The following PARL variants were observed in gnomAD, a reference collection of about 807,000 sequenced individuals.
PARL encodes the protein presenilin-associated rhomboid-like protein, mitochondrial.
A neutral mutation model predicts 51.6 loss-of-function variants in PARL; 44 were observed. That is an observed-to-expected ratio of 0.85 (90% CI 0.67 to 1.10). The LOEUF (loss-of-function observed/expected upper bound fraction) is 1.10, where lower values mean the gene tolerates loss of function less well. Among genes scored for constraint, PARL ranks in the 50% least tolerant of loss-of-function variants. The pLI, the probability that PARL is intolerant of heterozygous loss-of-function variation, is 0.00. For synonymous variants in PARL, 172 were observed against 164.0 expected (o/e 1.05, Z -0.37); for missense variants, 441 against 469.5 (o/e 0.94, Z 0.56).
At position 183,875,639 on chromosome 3, in the gene PARL, G is replaced by A. The variant is rs1384620629; in HGVS notation, c.126-7579C>T. Among the ~76,000 whole-genome samples the A allele has an allele frequency of 3.3e-5, 5 of 152,160 alleles. No homozygotes were observed. The South Asian group carries it at 6.2e-4, about 19-fold the overall frequency. ...GCAGAGGTTGGTTCATGAGGTTTAA[G>A]GAAACAAGCTGTCTCTATAACACAC... On this transcript the variant is annotated intron_variant, in intron 1 of 9. Coordinates refer to ENST00000317096, the MANE Select transcript of PARL (RefSeq NM_018622.7).
chr3:183,833,411 TG>T, intron 9 of PARL, 80 bp downstream of exon 9: 3 of 853,598 alleles, frequency 3.5e-6, no homozygotes, highest in Admixed American at 3.5e-5. Context: ...GCCATGGGGA[TG>T]GGGGGTAGGG....
intron 1 of PARL, among the ~76,000 whole-genome samples, chr3:183,875,197 C>G (rs2108702362): frequency 6.6e-6 from 1 of 152,192 alleles, no homozygotes; most frequent in African/African-American, 2.4e-5. Context: ...AGAGGATCAA[C>G]TGAGGTCAGG....
intron 6 of PARL, among the ~76,000 whole-genome samples, chr3:183,841,389 A>G (rs2108608452): frequency 6.6e-6 from 1 of 152,336 alleles, no homozygotes; most frequent in East Asian, 1.9e-4. Context: ...GATGAACACT[A>G]ATTAAGCATC....
intron 1 of PARL, among the ~76,000 whole-genome samples, chr3:183,873,219 T>C (rs1201419649): frequency 6.6e-6 from 1 of 152,150 alleles, no homozygotes; most frequent in Non-Finnish European, 1.5e-5. Context: ...AGATGACAAG[T>C]TGACAGCCGG....
intron 3 of PARL, among the ~76,000 whole-genome samples, chr3:183,865,568 C>T (rs117868627): frequency 0.011 from 1,714 of 152,204 alleles, 102 homozygotes; most frequent in Admixed American, 0.095. Context: ...GTGAGATGCA[C>T]ATGTGAGGGA....
chr3:183,877,056 T>A (rs1254895511), intron 1 of PARL, among the ~76,000 whole-genome samples: 1 of 151,972 alleles, frequency 6.6e-6, no homozygotes, highest in Non-Finnish European at 1.5e-5. Flanking sequence ...TATTAAAAAT[T>A]CAAAAAAATT....
rs1159852277 is a variant in PARL, at chr3:183,882,231, ATATATATATATATT to A, written c.125+2477_125+2490del. On this transcript the variant is annotated intron_variant, in intron 1 of 9. Coordinates refer to ENST00000317096, the MANE Select transcript of PARL (RefSeq NM_018622.7). Reference sequence around the variant, plus strand: ...AAAAAAAAAAAAAAAAAATATATATATATATATATATATTTATATATATATATATATATATATTT... The same window carrying A: ...AAAAAAAAAAAAAAAAAATATATATATATATATATATATATATATATATTT... Among the ~76,000 whole-genome samples the A allele has an allele frequency of 1.8e-3, 41 of 23,408 alleles. 2 individuals are homozygous for A. The highest frequency in any genetic ancestry group is 4.8e-3 in the African/African-American group (30 of 6,240). 15.4% of individuals were successfully genotyped at this position (23,408 alleles called of 152,430 possible).
chr3:183,835,632 C>A (rs1385942609), intron 7 of PARL, among the ~76,000 whole-genome samples: 1 of 152,034 alleles, frequency 6.6e-6, no homozygotes, highest in Non-Finnish European at 1.5e-5. Context: ...TCTGAGGGGC[C>A]GAGGCAGGTG....
chr3:183,883,761 G>A (rs1056029201), intron 1 of PARL: 3 of 908,806 alleles, frequency 3.3e-6, no homozygotes, highest in Non-Finnish European at 3.9e-6. Context: ...ATGCTTGTCG[G>A]ACATATAGGT....
chr3:183,850,782 T>C (rs1204383744), intron 4 of PARL, among the ~76,000 whole-genome samples: 18 of 152,230 alleles, frequency 1.2e-4, no homozygotes, highest in Admixed American at 8.5e-4. Context: ...AAAAGGATTA[T>C]AAATCATGAC....
intron 4 of PARL, among the ~76,000 whole-genome samples, chr3:183,851,759 A>G (rs921222419): frequency 1.3e-5 from 2 of 152,228 alleles, no homozygotes; most frequent in African/African-American, 2.4e-5. Flanking sequence ...CCAGAGAAGA[A>G]ACACAAATAC....
intron 1 of PARL, among the ~76,000 whole-genome samples, chr3:183,882,645 G>A (rs1374305953): frequency 1.3e-5 from 2 of 152,004 alleles, no homozygotes; most frequent in Non-Finnish European, 2.9e-5. Flanking sequence ...TTCCCCTTTT[G>A]TGTAAAAGGC....
At chr3:183,882,222 A>AAATATATATATAT (rs1401913573) in intron 1 of PARL, among the ~76,000 whole-genome samples, 1 of 46,112 alleles carries the variant, frequency 2.2e-5, no homozygotes, top group East Asian at 1.3e-3. Context: ...AAAAAAAAAA[A>AAATATATATATAT]ATATATATAT....
downstream of PARL, among the ~76,000 whole-genome samples, chr3:183,827,858 T>C (rs1351507622): frequency 6.6e-6 from 1 of 152,190 alleles, no homozygotes; most frequent in East Asian, 1.9e-4. Flanking sequence ...CACAGATAAC[T>C]GAGGCTTCAG....
intron 4 of PARL, among the ~76,000 whole-genome samples, chr3:183,860,637 G>C (rs1731705523): frequency 6.6e-6 from 1 of 152,166 alleles, no homozygotes; most frequent in Admixed American, 6.5e-5. Context: ...CTTCTTTGAA[G>C]AAAGTATTCA....
At chr3:183,838,441 T>C (rs1728910293) in intron 7 of PARL, among the ~76,000 whole-genome samples, 1 of 152,238 alleles carries the variant, frequency 6.6e-6, no homozygotes, top group South Asian at 2.1e-4. Context: ...AAAAATGCCA[T>C]TATACCTGGT....
intron 4 of PARL, among the ~76,000 whole-genome samples, chr3:183,850,042 C>A (rs113533174): frequency 0.011 from 1,701 of 152,210 alleles, 41 homozygotes; most frequent in African/African-American, 0.039. Flanking sequence ...ATTAGTAATT[C>A]AAAAAACTTA....
At chr3:183,830,634 T>C (rs1727829558) in intron 9 of PARL, among the ~76,000 whole-genome samples, 1 of 152,236 alleles carries the variant, frequency 6.6e-6, no homozygotes, top group African/African-American at 2.4e-5. Context: ...CCAGATTTTG[T>C]TATCTTGCAT....
chr3:183,829,851 A>T, intron 9 of PARL, 142 bp from the exon 10 acceptor site: 1 of 750,712 alleles, frequency 1.3e-6, no homozygotes, highest in East Asian at 2.5e-5. Flanking sequence ...CACATCGAGA[A>T]ATGGTTTAGC....
Sources: allele counts gnomAD v4.1 joint callset (sites outside exome capture counted in the v4.1 genomes callset), GRCh38; gene constraint gnomAD v4.1.1; transcripts MANE v1.5; gene names NCBI Gene and HGNC (gene_info 2026-07-23, HGNC 2026-07-21).